The following UBE2E2 variants were observed in gnomAD, a reference collection of about 807,000 sequenced individuals.
The protein encoded by UBE2E2 is ubiquitin-conjugating enzyme E2 E2.
In UBE2E2, 6 loss-of-function variants were observed where a neutral mutation model predicts 24.7. That is an observed-to-expected ratio of 0.24 (90% CI 0.13 to 0.48). UBE2E2 has a LOEUF of 0.48. Ranked by LOEUF, UBE2E2 falls within the 20% of genes least tolerant of loss-of-function variation. The probability of loss-of-function intolerance (pLI) is 0.99; values close to 1 mark genes in which losing one functional copy is unlikely to be tolerated. For synonymous variants in UBE2E2, 104 were observed against 83.6 expected (o/e 1.24, Z -1.33); for missense variants, 169 against 245.0 (o/e 0.69, Z 2.07).
intron 5 of UBE2E2, among the ~76,000 whole-genome samples, chr3:23,556,313 T>A (rs557684475): frequency 1.5e-4 from 23 of 151,198 alleles, no homozygotes; most frequent in African/African-American, 5.6e-4. Flanking sequence ...CCCAGCTAAT[T>A]TTTGTATTTT....
chr3:23,297,400 A>G (rs1003170597), intron 3 of UBE2E2, among the ~76,000 whole-genome samples: 7 of 151,808 alleles, frequency 4.6e-5, no homozygotes, highest in African/African-American at 1.2e-4. Context: ...TATGTCCTGA[A>G]TGGTATTGCC....
At chr3:23,511,415 A>T (rs1694591074) in intron 4 of UBE2E2, among the ~76,000 whole-genome samples, 1 of 152,224 alleles carries the variant, frequency 6.6e-6, no homozygotes, top group Non-Finnish European at 1.5e-5. Flanking sequence ...CCAGGTAGGG[A>T]TATGTTGCCT....
chr3:23,291,683 CTTTTTTTTT>C (rs11308326), intron 3 of UBE2E2, among the ~76,000 whole-genome samples: 2 of 95,038 alleles, frequency 2.1e-5, no homozygotes, highest in African/African-American at 8.5e-5. Flanking sequence ...ATTTAAGGGG[CTTTTTTTTT>C]TTTTTTTTTT....
At chr3:23,441,560 G>A (rs75564076) in intron 3 of UBE2E2, among the ~76,000 whole-genome samples, 3,939 of 116,824 alleles carry the variant, frequency 0.034, 130 homozygotes, top group East Asian at 0.17. Flanking sequence ...AAAAAGAATT[G>A]GGTAAGGAAA....
intron 3 of UBE2E2, among the ~76,000 whole-genome samples, chr3:23,230,108 T>G (rs1482689581): frequency 6.6e-6 from 1 of 152,214 alleles, no homozygotes; most frequent in Non-Finnish European, 1.5e-5. Flanking sequence ...TATCCACCAT[T>G]ATATTCTAAG....
chr3:23,496,180 G>A (rs1039012156), intron 3 of UBE2E2, among the ~76,000 whole-genome samples: 1 of 152,012 alleles, frequency 6.6e-6, no homozygotes, highest in Non-Finnish European at 1.5e-5. Flanking sequence ...TTATACAGTA[G>A]GATCACATTG....
chr3:23,520,870 T>C (rs1320017907), intron 4 of UBE2E2, among the ~76,000 whole-genome samples: 1 of 152,198 alleles, frequency 6.6e-6, no homozygotes, highest in Non-Finnish European at 1.5e-5. Flanking sequence ...CTCAGATTTC[T>C]GGCCTCAAGT....
At chr3:23,349,526 A>G (rs1160326926) in intron 3 of UBE2E2, among the ~76,000 whole-genome samples, 1 of 152,216 alleles carries the variant, frequency 6.6e-6, no homozygotes, top group Non-Finnish European at 1.5e-5. Flanking sequence ...GGTCACTCCC[A>G]TCCTAATACT....
intron 3 of UBE2E2, among the ~76,000 whole-genome samples, chr3:23,299,608 T>G (rs1340294444): frequency 2.6e-5 from 4 of 152,370 alleles, no homozygotes; most frequent in East Asian, 1.9e-4. Flanking sequence ...GTGAGTTTCT[T>G]AATCCTGAGT....
chr3:23,510,168 A>G (rs1226125193), intron 4 of UBE2E2, among the ~76,000 whole-genome samples: 1 of 152,240 alleles, frequency 6.6e-6, no homozygotes, highest in Non-Finnish European at 1.5e-5. Context: ...GCAGCTGTCC[A>G]AGAGAAGAGT....
chr3:23,509,999 C>T (rs972130118), intron 4 of UBE2E2, among the ~76,000 whole-genome samples: 3 of 152,008 alleles, frequency 2.0e-5, no homozygotes, highest in East Asian at 1.9e-4. Flanking sequence ...TGGGTTGGTT[C>T]GTAGTCTTTG....
chr3:23,266,512 C>G (rs573470805), intron 3 of UBE2E2, among the ~76,000 whole-genome samples: 1 of 152,256 alleles, frequency 6.6e-6, no homozygotes, highest in African/African-American at 2.4e-5. Context: ...GAGAGATCAG[C>G]TGTTAGTCTG....
intron 3 of UBE2E2, among the ~76,000 whole-genome samples, chr3:23,487,229 A>G (rs1037589883): frequency 3.3e-5 from 5 of 152,152 alleles, no homozygotes; most frequent in African/African-American, 1.2e-4. Flanking sequence ...TTTGCTCTGC[A>G]CTGGAGCAGG....
chr3:23,532,704 A>G lies in UBE2E2; in HGVS notation c.508+3A>G, dbSNP rs2125485570. 3 of 1,518,442 alleles carry G rather than the reference A, an allele frequency of 2.0e-6. No individual in the cohort carries two copies. The highest frequency in any genetic ancestry group is 2.7e-6 in the Non-Finnish European group (3 of 1,114,192). The allele number at this position is 1,518,442 out of a possible 1,614,324, so 94.1% of individuals were successfully genotyped here. ...ACTTCTTACAGATTGCAACCCTGGT[A>G]AGAGACTTTAAATCTAGTATGAATT... On this transcript the variant is annotated splice_donor_region_variant and intron_variant, in intron 5 of 5. Coordinates refer to ENST00000396703, the MANE Select transcript of UBE2E2 (RefSeq NM_152653.4).
At chr3:23,584,263 C>G (rs1008732168) in intron 5 of UBE2E2, among the ~76,000 whole-genome samples, 1 of 152,182 alleles carries the variant, frequency 6.6e-6, no homozygotes, top group African/African-American at 2.4e-5. Flanking sequence ...AAGTTAAAGT[C>G]TACTTGATCA....
At chr3:23,348,859 C>G (rs1442314021) in intron 3 of UBE2E2, among the ~76,000 whole-genome samples, 1 of 152,126 alleles carries the variant, frequency 6.6e-6, no homozygotes, top group African/African-American at 2.4e-5. Context: ...GAGCAAAGTG[C>G]CATCTCTGTC....
At chr3:23,318,635 G>A (rs1051656349) in intron 3 of UBE2E2, among the ~76,000 whole-genome samples, 7 of 152,138 alleles carry the variant, frequency 4.6e-5, no homozygotes, top group Non-Finnish European at 1.0e-4. Context: ...CCAAGTGAAA[G>A]GGGAAACCCC....
At chr3:23,357,273 A>G (rs1221603642) in intron 3 of UBE2E2, among the ~76,000 whole-genome samples, 2 of 152,188 alleles carry the variant, frequency 1.3e-5, no homozygotes, top group Non-Finnish European at 2.9e-5. Context: ...GAAGCAAGAA[A>G]TTATAATGGT....
intron 3 of UBE2E2, among the ~76,000 whole-genome samples, chr3:23,421,911 C>T (rs1227169321): frequency 6.6e-6 from 1 of 152,214 alleles, no homozygotes; most frequent in Non-Finnish European, 1.5e-5. Flanking sequence ...TTATGCAAAA[C>T]ACCATGTTTA....
Sources: gnomAD v4.1 joint callset for allele counts (sites outside exome capture counted in the v4.1 genomes callset) on GRCh38, gnomAD v4.1.1 for gene constraint, MANE v1.5 for transcripts, NCBI Gene and HGNC (gene_info 2026-07-23, HGNC 2026-07-21) for gene names.